The following MDM1 variants were observed in gnomAD, a reference collection of about 807,000 sequenced individuals.
The protein encoded by MDM1 is stabilizer of axonemal microtubules 6.
MDM1 carries 61 observed loss-of-function variants against 89.1 expected under a neutral mutation model. That is an observed-to-expected ratio of 0.68 (90% CI 0.56 to 0.85). MDM1 has a LOEUF of 0.85. Among genes scored for constraint, MDM1 ranks in the 40% least tolerant of loss-of-function variants. The probability of loss-of-function intolerance (pLI) is 0.00; values close to 1 mark genes in which losing one functional copy is unlikely to be tolerated. For missense variants in MDM1, 820 were observed against 846.5 expected, an observed-to-expected ratio of 0.97 and a Z score of 0.39; for synonymous variants, 290 against 294.1, an observed-to-expected ratio of 0.99 and a Z score of 0.14.
Position 68,295,062 on chromosome 12 carries a change from T to TA in MDM1, c.*191dup. The TA allele has an allele frequency of 2.6e-6, 1 of 378,500 alleles. No individual in the cohort carries two copies. Among genetic ancestry groups the TA allele is most frequent in the Non-Finnish European group, 4.9e-6 (1 of 206,104 alleles). The allele number at this position is 378,500 out of a possible 1,614,324, so 23.4% of individuals were successfully genotyped here. On this transcript the variant is annotated 3_prime_UTR_variant, in exon 15 of 15. Transcript: ENST00000682720. ...AGGTCTTTGTACTCTGGGATAGATG[T>TA]AAAAAGAATTCTTTAAAAGTTAAAT...
intron 13 of MDM1, among the ~76,000 whole-genome samples, chr12:68,299,407 G>A (rs545754165): frequency 2.0e-5 from 3 of 152,082 alleles, no homozygotes; most frequent in African/African-American, 7.2e-5. Flanking sequence ...TTCAGGATAT[G>A]AATGAAAAAT....
chr12:68,320,322 C>A (rs958172254), intron 7 of MDM1, among the ~76,000 whole-genome samples: 1 of 152,134 alleles, frequency 6.6e-6, no homozygotes, highest in South Asian at 2.1e-4. Context: ...AGATAATATC[C>A]GGGACAGCTT....
chr12:68,332,157 C>A, intron 1 of MDM1, 71 bp downstream of exon 1: 2 of 1,501,444 alleles, frequency 1.3e-6, no homozygotes, highest in South Asian at 2.5e-5. Context: ...AGCAGCGTGA[C>A]CTCGGCGCTC....
intron 5 of MDM1, among the ~76,000 whole-genome samples, chr12:68,322,491 G>A (rs1025408047): frequency 1.9e-4 from 29 of 152,018 alleles, no homozygotes; most frequent in African/African-American, 5.8e-4. Context: ...AAAATTAGCC[G>A]GGCATGGTGG....
chr12:68,294,792 A>G lies in MDM1; in HGVS notation c.*462T>C, dbSNP rs953719781. ...AAAGTACAATTATCTTAACACTGCA[A>G]ACATGTATAGAAGGAACTAAAATAA... is the stretch of plus-strand genomic sequence containing the variant. On this transcript the variant is annotated 3_prime_UTR_variant, in exon 15 of 15. Transcript: ENST00000682720. 1 of 152,428 alleles carries G rather than the reference A, an allele frequency of 6.6e-6. No individual in the cohort carries two copies. The highest frequency in any genetic ancestry group is 3.4e-3 in the Middle Eastern group (1 of 294). The allele number at this position is 152,428 out of a possible 1,614,324, so 9.4% of individuals were successfully genotyped here.
rs780232864 is a variant in MDM1 at position 68,327,015 on chromosome 12, G to T, written c.140C>A (p.Thr47Lys). Residue 47 changes from threonine to lysine, a missense_variant, in exon 3 of 15, where the codon ACG becomes AAG. Physicochemically the swap from Thr to Lys is moderately conservative, Grantham distance 78. Transcript: ENST00000682720. ...TTTTGAAATAAAACTTGGCTCTTTC[G>T]TGATGCCTACAAAACACGGTATACA... Reference protein sequence around the residue: ...AGLRSDQLGITKEPSFISKRR... With the variant: ...AGLRSDQLGIKKEPSFISKRR... The T allele has an allele frequency of 1.3e-6, 2 of 1,590,032 alleles. No homozygotes were observed. The highest frequency in any genetic ancestry group is 1.7e-6 in the Non-Finnish European group (2 of 1,172,678).
At chr12:68,327,396 G>A in intron 2 of MDM1, 1 of 1,535,560 alleles carries the variant, frequency 6.5e-7, no homozygotes, top group Non-Finnish European at 8.7e-7. Context: ...AATGGGCCCT[G>A]GTACTGTCAA....
At chr12:68,322,303 C>T (rs1298378308) in intron 5 of MDM1, among the ~76,000 whole-genome samples, 3 of 152,176 alleles carry the variant, frequency 2.0e-5, no homozygotes, top group Non-Finnish European at 4.4e-5. Context: ...GTGAATTATA[C>T]TGGCTATAAT....
At chr12:68,331,568 G>A (rs116819876) in intron 1 of MDM1, among the ~76,000 whole-genome samples, 1,841 of 152,130 alleles carry the variant, frequency 0.012, 45 homozygotes, top group African/African-American at 0.043. Context: ...GGTTTTCACC[G>A]AGTACACAAT....
intron 7 of MDM1, 71 bp from the exon 8 acceptor site, chr12:68,316,681 G>T: frequency 8.6e-7 from 1 of 1,169,252 alleles, no homozygotes; most frequent in South Asian, 1.4e-5. Flanking sequence ...GGGAATCAAT[G>T]AAACACATTA....
intron 2 of MDM1, among the ~76,000 whole-genome samples, chr12:68,327,976 A>G (rs746522314): frequency 5.3e-5 from 8 of 152,198 alleles, no homozygotes; most frequent in Non-Finnish European, 1.0e-4. Flanking sequence ...TGATGCTGAT[A>G]TATCTGCCTG....
intron 8 of MDM1, 144 bp from the exon 9 acceptor site, chr12:68,316,397 CTG>C: frequency 9.9e-7 from 1 of 1,010,380 alleles, no homozygotes; most frequent in Non-Finnish European, 1.4e-6. Flanking sequence ...AGTCATCAGA[CTG>C]TGCATTTAAG....
chr12:68,302,879 G>GAAAAAAA lies in MDM1; in HGVS notation c.1750-8_1750-7insTTTTTTT. ...ATACAGCACGACTTTCTTTCTAAAT[G>GAAAAAAA]ACAAAAAAAAAAAAAAAAAAAAGAT... is the stretch of plus-strand genomic sequence containing the variant. On this transcript the variant is annotated splice_region_variant and splice_polypyrimidine_tract_variant and intron_variant, in intron 12 of 14. Transcript: ENST00000682720. 1.4e-6 allele frequency: 1 copy of GAAAAAAA among 738,176 alleles called. No individual in the cohort carries two copies. The highest frequency in any genetic ancestry group is 1.7e-6 in the Non-Finnish European group (1 of 597,640). The allele number at this position is 738,176 out of a possible 1,614,324, so 45.7% of individuals were successfully genotyped here.
chr12:68,317,361 A>G (rs929230920), intron 7 of MDM1, among the ~76,000 whole-genome samples: 1 of 152,184 alleles, frequency 6.6e-6, no homozygotes. Flanking sequence ...AATTTTTTAA[A>G]TCATCAAGAC....
chr12:68,302,343 G>A (rs1343770706), intron 13 of MDM1, among the ~76,000 whole-genome samples: 2 of 152,228 alleles, frequency 1.3e-5, no homozygotes, highest in Non-Finnish European at 2.9e-5. Context: ...CACATCCAGA[G>A]AAGAGGTGCT....
intron 2 of MDM1, 49 bp downstream of exon 2, chr12:68,331,058 G>A (rs1461842582): frequency 3.6e-6 from 4 of 1,097,030 alleles, no homozygotes; most frequent in Admixed American, 1.7e-5. Flanking sequence ...CTTGGCCCAA[G>A]TTATAAACTT....
chr12:68,330,755 G>A (rs1454146668), intron 2 of MDM1: 1 of 204,888 alleles, frequency 4.9e-6, no homozygotes, highest in Non-Finnish European at 9.8e-6. Flanking sequence ...GAAAGGCCTA[G>A]GCAATACTCT....
Position 68,316,167 on chromosome 12 carries a change from T to A in MDM1, c.1122A>T (p.Leu374Phe), listed in dbSNP as rs1242799129. The change falls in exon 9 of 15, where the codon TTA becomes TTT. Residue 374 changes from leucine (L) to phenylalanine (F), a missense_variant. Leu to Phe is a conservative substitution (Grantham distance 22). Transcript: ENST00000682720. ...HFSRDHLNQILSDSNCCWDVS... is the reference protein window; with the variant it reads ...HFSRDHLNQIFSDSNCCWDVS... Reference sequence around the variant, plus strand: ...CATCCCAACAGCAGTTGCTATCAGATAAAATCTGATTCAGATGGTCCCGAG... The same window carrying A: ...CATCCCAACAGCAGTTGCTATCAGAAAAAATCTGATTCAGATGGTCCCGAG... The A allele has an allele frequency of 6.2e-7, 1 of 1,614,164 alleles. No individual in the cohort carries two copies. Among genetic ancestry groups the A allele is most frequent in the Non-Finnish European group, 8.5e-7 (1 of 1,179,986 alleles).
At chr12:68,331,508 G>C (rs954804685) in intron 1 of MDM1, among the ~76,000 whole-genome samples, 1 of 152,166 alleles carries the variant, frequency 6.6e-6, no homozygotes, top group African/African-American at 2.4e-5. Flanking sequence ...ATGAGTTCTT[G>C]TCGGATAACT....
Sources: allele counts gnomAD v4.1 joint callset (sites outside exome capture counted in the v4.1 genomes callset), GRCh38; gene constraint gnomAD v4.1.1; transcripts MANE v1.5; gene names NCBI Gene and HGNC (gene_info 2026-07-23, HGNC 2026-07-21).